The following CHRM3 variants were observed in gnomAD, a reference collection of about 807,000 sequenced individuals.
The protein encoded by CHRM3 is cholinergic receptor muscarinic 3, also known as muscarinic acetylcholine receptor M3.
A neutral mutation model predicts 41.8 loss-of-function variants in CHRM3; 11 were observed. That is an observed-to-expected ratio of 0.26 (90% confidence interval 0.17 to 0.44). CHRM3 has a LOEUF of 0.44. Ranked by LOEUF, CHRM3 falls within the 20% of genes least tolerant of loss-of-function variation. The probability of loss-of-function intolerance (pLI) is 1.00; values close to 1 mark genes in which losing one functional copy is unlikely to be tolerated. For synonymous variants in CHRM3, 297 were observed against 301.4 expected (o/e 0.99, Z 0.15); for missense variants, 571 against 745.4 (o/e 0.77, Z 2.72).
chr1:239,736,014 G>T (rs938026005), intron 5 of CHRM3, among the ~76,000 whole-genome samples: 8 of 152,042 alleles, frequency 5.3e-5, no homozygotes, highest in Admixed American at 5.2e-4. Context: ...CCCTCCATAA[G>T]ATTTAAGTCT....
At chr1:239,745,706 G>A (rs1234940959) in intron 5 of CHRM3, among the ~76,000 whole-genome samples, 1 of 152,036 alleles carries the variant, frequency 6.6e-6, no homozygotes, top group Admixed American at 6.6e-5. Flanking sequence ...CAAGATAAGA[G>A]AGTTCTTCAA....
At chr1:239,721,475 A>G (rs1662963595) in intron 5 of CHRM3, among the ~76,000 whole-genome samples, 1 of 151,932 alleles carries the variant, frequency 6.6e-6, no homozygotes. Flanking sequence ...GTTCTAAATC[A>G]TAATAAGAAG....
rs57300053 is a variant in CHRM3 at position 239,542,139 on chromosome 1, A to G, written c.-421-3502A>G. 9.4e-3 allele frequency among the ~76,000 whole-genome samples: 1,429 copies of G among 152,282 alleles called. 20 individuals carry two copies. Among genetic ancestry groups the G allele is most frequent in the African/African-American group, 0.033 (1,375 of 41,562 alleles). ...CTTGATATTATACTATATCAGACAG[A>G]ATGACCAAGATATAACCTCCTGGGA... On this transcript the variant is annotated intron_variant, in intron 2 of 6. Transcript: ENST00000676153.
chr1:239,415,618 G>T (rs1188287372), intron 1 of CHRM3, among the ~76,000 whole-genome samples: 1 of 152,130 alleles, frequency 6.6e-6, no homozygotes, highest in Non-Finnish European at 1.5e-5. Flanking sequence ...ATAGCTAAAG[G>T]TGTATTTGTT....
At chr1:239,578,707 G>T (rs1043668792) in intron 3 of CHRM3, among the ~76,000 whole-genome samples, 3 of 152,010 alleles carry the variant, frequency 2.0e-5, no homozygotes, top group Non-Finnish European at 2.9e-5. Context: ...ATCTTTTTCA[G>T]CATTTCCCAT....
At position 239,908,335 on chromosome 1, in the gene CHRM3, T is replaced by G. The variant is rs920637480; in HGVS notation, c.884T>G (p.Leu295Arg). The change falls in exon 7 of 7, where the codon CTT becomes CGT. Residue 295 changes from leucine to arginine, a missense_variant. By Grantham distance (102) the Leu-to-Arg change is moderately radical. Around this residue, in one of 5 missense-constraint regions of CHRM3, gnomAD observed 239 missense variants for 239.6 expected, o/e 1.00. Coordinates refer to ENST00000676153, the MANE Select transcript of CHRM3 (RefSeq NM_001375978.1). The surrounding 1 kb of genome is among the most constrained non-coding windows in gnomAD (Gnocchi z 7.2). ...TCTCGAAGCTGCAGCAGTTACGAACTTCAACAGCAAAGCATGAAACGCTCC... is the reference window on the plus strand; with the variant it reads ...TCTCGAAGCTGCAGCAGTTACGAACGTCAACAGCAAAGCATGAAACGCTCC... The part of the protein sequence containing the change: ...GSSRSCSSYE[L>R]QQQSMKRSNR... 4 of 1,614,044 alleles carry G rather than the reference T, an allele frequency of 2.5e-6. No individual in the cohort carries two copies. Among genetic ancestry groups the G allele is most frequent in the Non-Finnish European group, 3.4e-6 (4 of 1,180,014 alleles).
chr1:239,638,988 C>T (rs1324074946), intron 4 of CHRM3, among the ~76,000 whole-genome samples: 1 of 152,056 alleles, frequency 6.6e-6, no homozygotes, highest in Non-Finnish European at 1.5e-5. Context: ...ATATGGCTAG[C>T]CAGTTTTCCC....
chr1:239,417,811 A>G (rs914585080), intron 1 of CHRM3, among the ~76,000 whole-genome samples: 1 of 152,178 alleles, frequency 6.6e-6, no homozygotes, highest in African/African-American at 2.4e-5. Flanking sequence ...GACAAATGCA[A>G]GCAACGAAAG....
At chr1:239,893,736 A>T (rs1240402864) in intron 6 of CHRM3, among the ~76,000 whole-genome samples, 2 of 14,518 alleles carry the variant, frequency 1.4e-4, no homozygotes, top group East Asian at 0.5. Flanking sequence ...GAAATCATAA[A>T]AAAAAAAAAA....
chr1:239,429,564 A>G (rs1297185245), intron 1 of CHRM3, among the ~76,000 whole-genome samples: 1 of 152,148 alleles, frequency 6.6e-6, no homozygotes, highest in Non-Finnish European at 1.5e-5. Flanking sequence ...ATCAGTGCTT[A>G]TTGAATGTGT....
At chr1:239,723,279 T>G (rs1223117967) in intron 5 of CHRM3, among the ~76,000 whole-genome samples, 1 of 151,942 alleles carries the variant, frequency 6.6e-6, no homozygotes, top group Non-Finnish European at 1.5e-5. Context: ...TCTATAGGTA[T>G]TCTAAGGATA....
intron 6 of CHRM3, among the ~76,000 whole-genome samples, chr1:239,849,423 A>G (rs536023381): frequency 1.3e-5 from 2 of 152,328 alleles, no homozygotes; most frequent in South Asian, 4.1e-4. Flanking sequence ...ACAAACTTCA[A>G]ATACTGTCTG....
chr1:239,590,881 AGAAGG>A (rs1664054044), intron 3 of CHRM3, among the ~76,000 whole-genome samples: 6 of 152,170 alleles, frequency 3.9e-5, no homozygotes, highest in Non-Finnish European at 8.8e-5. Context: ...GGAAAAAAAA[AGAAGG>A]TCTGAGGATT....
At chr1:239,426,827 G>C (rs1662427879) in intron 1 of CHRM3, among the ~76,000 whole-genome samples, 1 of 152,170 alleles carries the variant, frequency 6.6e-6, no homozygotes, top group South Asian at 2.1e-4. Context: ...TTAATGGAGA[G>C]GGGGAAACAC....
intron 5 of CHRM3, among the ~76,000 whole-genome samples, chr1:239,825,978 AC>A (rs1672424325): frequency 6.6e-6 from 1 of 152,226 alleles, no homozygotes; most frequent in African/African-American, 2.4e-5. Flanking sequence ...ACTATATGAT[AC>A]CATTTACGTG....
intron 5 of CHRM3, among the ~76,000 whole-genome samples, chr1:239,701,018 A>G (rs1660635084): frequency 6.6e-6 from 1 of 152,178 alleles, no homozygotes; most frequent in Non-Finnish European, 1.5e-5. Context: ...AACCTGTGTG[A>G]CGCTTTTATC....
At chr1:239,833,016 GTC>G (rs1333179789) in intron 6 of CHRM3, among the ~76,000 whole-genome samples, 1 of 152,046 alleles carries the variant, frequency 6.6e-6, no homozygotes. Flanking sequence ...TCAAGATGGG[GTC>G]TCTCTGGTTC....
chr1:239,645,184 T>C (rs1671634934), intron 4 of CHRM3, among the ~76,000 whole-genome samples: 1 of 152,172 alleles, frequency 6.6e-6, no homozygotes, highest in South Asian at 2.1e-4. Context: ...GACTAGACCT[T>C]AGGCACTGCA....
At chr1:239,845,977 G>C (rs1674229966) in intron 6 of CHRM3, among the ~76,000 whole-genome samples, 1 of 152,180 alleles carries the variant, frequency 6.6e-6, no homozygotes, top group Non-Finnish European at 1.5e-5. Flanking sequence ...TCAATAGAAG[G>C]ATAGGTGGGA....
Sources: gnomAD v4.1 joint callset for allele counts (sites outside exome capture counted in the v4.1 genomes callset) on GRCh38, gnomAD v4.1.1 for gene constraint, gnomAD v4.1.1 regional missense constraint, Gnocchi (gnomAD v3.1) non-coding constraint, MANE v1.5 for transcripts, NCBI Gene and HGNC (gene_info 2026-07-23, HGNC 2026-07-21) for gene names.